Variants in AXIN1 observed in about 807,000 individuals in gnomAD.
AXIN1 encodes axin-1.
Under a neutral mutation model 76.4 loss-of-function variants are expected in AXIN1, and 30 were observed. The ratio of observed to expected loss-of-function variants is 0.39; its 90% CI spans 0.29 to 0.53. AXIN1 has a LOEUF of 0.53. Among genes scored for constraint, AXIN1 ranks in the 20% least tolerant of loss-of-function variants. AXIN1 has a pLI of 0.66. For missense variants in AXIN1, 1,140 were observed against 1,198.8 expected, an observed-to-expected ratio of 0.95 and a Z score of 0.72; for synonymous variants, 545 against 501.4, an observed-to-expected ratio of 1.09 and a Z score of -1.16.
chr16:346,357 G>T lies in AXIN1; in HGVS notation c.669C>A (p.Asp223Glu), dbSNP rs2141702236. ...TCCCTGTCCCTGACCCAGAGCTCTG[G>T]TCACTACAGACTTTGGGGCTCTCCG... ...TGSESPKVCSDQSSGSGTGKG... is the reference protein window; with the variant it reads ...TGSESPKVCSEQSSGSGTGKG... The change falls in exon 2 of 11, where the codon GAC becomes GAA. Residue 223 changes from aspartate to glutamate, a missense_variant. By Grantham distance (45) the Asp-to-Glu change is conservative. Coordinates refer to ENST00000262320, the MANE Select transcript of AXIN1 (RefSeq NM_003502.4). The T allele has an allele frequency of 1.2e-6, 2 of 1,614,168 alleles. No homozygotes were observed. Among genetic ancestry groups the T allele is most frequent in the South Asian group, 2.2e-5 (2 of 91,080 alleles).
chr16:319,388 C>T (rs148864129), intron 2 of AXIN1, among the ~76,000 whole-genome samples: 105 of 152,220 alleles, frequency 6.9e-4, no homozygotes, highest in Middle Eastern at 3.4e-3. Context: ...AAAAACGTGC[C>T]CATCACAGAA....
At chr16:304,812 G>T (rs1007727795) in intron 4 of AXIN1, among the ~76,000 whole-genome samples, 4 of 152,194 alleles carry the variant, frequency 2.6e-5, no homozygotes, top group African/African-American at 4.8e-5. Context: ...TGGGATTACA[G>T]GTGTGAGCCA....
At chr16:350,417 A>G (rs908736927) in intron 1 of AXIN1, among the ~76,000 whole-genome samples, 2 of 152,258 alleles carry the variant, frequency 1.3e-5, no homozygotes, top group Non-Finnish European at 2.9e-5. Flanking sequence ...AAGTGAGTCC[A>G]TAAAACGGGC....
rs1374534943 is a variant in AXIN1, at chr16:346,691, G to C, written c.335C>G (p.Ala112Gly). 6.4e-7 allele frequency: 1 copy of C among 1,569,748 alleles called. No homozygotes were observed. The highest frequency in any genetic ancestry group is 8.6e-7 in the Non-Finnish European group (1 of 1,157,960). The change falls in exon 2 of 11, where the codon GCC (alanine) becomes GGC (glycine). Residue 112 changes from alanine to glycine, a missense_variant. By Grantham distance (60) the Ala-to-Gly change is moderately conservative (BLOSUM62 0). Around this residue, in one of 3 missense-constraint regions of AXIN1, gnomAD observed 708 missense variants for 776.9 expected, o/e 0.91. Coordinates refer to ENST00000262320, the MANE Select transcript of AXIN1 (RefSeq NM_003502.4). ...FRTFLKQEGC[A>G]DLLDFWFACT... ...GGCAAACCAGAAGTCCAGCAAGTCG[G>C]CACAGCCCTCCTGCTTCAGGAAAGT...
chr16:340,298 T>C (rs1005379280), intron 2 of AXIN1, among the ~76,000 whole-genome samples: 1 of 152,208 alleles, frequency 6.6e-6, no homozygotes, highest in African/African-American at 2.4e-5. Context: ...CACAGCCACA[T>C]TGACCAGCCC....
rs214252 is a variant in AXIN1 at position 297,184 on chromosome 16, A to G, written c.1827T>C (p.Ala609=). 349,369 of 1,610,218 alleles carry G rather than the reference A, an allele frequency of 0.22. 41,284 individuals are homozygous for G. The highest frequency in any genetic ancestry group is 0.4 in the African/African-American group (29,815 of 74,950). The part of the protein sequence containing the change: ...GVACKRNAKK[A]ESGKSASTEV... ...CGGTGCTGGCGCTCTTCCCCGACTC[A>G]GCCTTCTTGGCATTTCTTTTGCACG... The change falls in exon 7 of 11, where the codon GCT becomes GCC. Residue 609 remains alanine (A), a synonymous_variant. Coordinates refer to ENST00000262320, the MANE Select transcript of AXIN1 (RefSeq NM_003502.4).
intron 2 of AXIN1, among the ~76,000 whole-genome samples, chr16:337,857 CT>C (rs1234375405): frequency 1.3e-5 from 2 of 152,260 alleles, no homozygotes; most frequent in African/African-American, 2.4e-5. Context: ...TGGGGGCCCC[CT>C]GGACGCCACA....
At chr16:347,678 G>A (rs1250071586) in intron 1 of AXIN1, among the ~76,000 whole-genome samples, 1 of 152,200 alleles carries the variant, frequency 6.6e-6, no homozygotes, top group Non-Finnish European at 1.5e-5. Flanking sequence ...GTCACGCGTG[G>A]TACACCTTCC....
chr16:341,987 G>C (rs1250824527), intron 2 of AXIN1, among the ~76,000 whole-genome samples: 1 of 152,188 alleles, frequency 6.6e-6, no homozygotes, highest in East Asian at 1.9e-4. Flanking sequence ...TCAGCGCCCT[G>C]TCAAAACAGA....
intron 2 of AXIN1, among the ~76,000 whole-genome samples, chr16:337,497 CAAAAAAAAAAAA>C (rs35744069): frequency 1.4e-5 from 1 of 72,034 alleles, no homozygotes; most frequent in Non-Finnish European, 3.1e-5. Flanking sequence ...GGGTCAAAAC[CAAAAAAAAAAAA>C]AAAAAAAAGC....
intron 2 of AXIN1, among the ~76,000 whole-genome samples, chr16:337,497 C>CAAAAAA (rs35744069): frequency 4.2e-5 from 3 of 72,030 alleles, no homozygotes; most frequent in Non-Finnish European, 9.2e-5. Flanking sequence ...GGGTCAAAAC[C>CAAAAAA]AAAAAAAAAA....
At chr16:349,305 C>G (rs1410637150) in intron 1 of AXIN1, among the ~76,000 whole-genome samples, 1 of 152,054 alleles carries the variant, frequency 6.6e-6, no homozygotes, top group African/African-American at 2.4e-5. Context: ...GCTGTGACAT[C>G]CTGCTGCTCA....
At chr16:311,376 G>A (rs948738423) in intron 3 of AXIN1, among the ~76,000 whole-genome samples, 2 of 152,080 alleles carry the variant, frequency 1.3e-5, no homozygotes, top group Non-Finnish European at 2.9e-5. Context: ...ATTAAAACAC[G>A]AAAGTCAGAT....
intron 4 of AXIN1, among the ~76,000 whole-genome samples, chr16:306,497 C>A (rs763573859): frequency 3.9e-4 from 59 of 152,214 alleles, no homozygotes; most frequent in Non-Finnish European, 1.0e-4. Context: ...TTCCTGCCCT[C>A]CCGCCGTGGG....
intron 2 of AXIN1, among the ~76,000 whole-genome samples, chr16:332,421 C>CA (rs2053711486): frequency 6.6e-6 from 1 of 151,560 alleles, no homozygotes; most frequent in African/African-American, 2.4e-5. Flanking sequence ...ACTAAAAATA[C>CA]AAAAAATTAG....
chr16:287,936 G>C lies in AXIN1; in HGVS notation c.*186C>G. On this transcript the variant is annotated 3_prime_UTR_variant, in exon 11 of 11. Transcript: ENST00000262320. ...GTCCAGGCTGCCTCCTTGGGGGCAG[G>C]ACAGAAGCTTGTGGACCACTTGGAG... is the stretch of plus-strand genomic sequence containing the variant. The C allele has an allele frequency of 2.1e-6, 2 of 955,848 alleles. No homozygotes were observed. The highest frequency in any genetic ancestry group is 3.2e-6 in the Non-Finnish European group (2 of 615,960). The allele number at this position is 955,848 out of a possible 1,614,324, so 59.2% of individuals were successfully genotyped here. A position where few individuals can be genotyped will look rare whatever the true frequency, so the allele number is the denominator to read the frequency against.
chr16:352,409 A>T lies in AXIN1; in HGVS notation c.-122T>A. ...GCGGGACCCCGGGCCCGGCTCCCGG[A>T]GCGGCGCGGCGCGGTCCGGGCCCAT... On this transcript the variant is annotated 5_prime_UTR_variant, in exon 1 of 11. Coordinates refer to ENST00000262320, the MANE Select transcript of AXIN1 (RefSeq NM_003502.4). The T allele has an allele frequency of 1.2e-6, 1 of 848,746 alleles. No individual in the cohort carries two copies. The allele number at this position is 848,746 out of a possible 1,614,324, so 52.6% of individuals were successfully genotyped here. A position where few individuals can be genotyped will look rare whatever the true frequency, so the allele number is the denominator to read the frequency against.
At chr16:299,507 C>T (rs139824132) in intron 5 of AXIN1, among the ~76,000 whole-genome samples, 3,210 of 151,714 alleles carry the variant, frequency 0.021, 101 homozygotes, top group African/African-American at 0.074. Context: ...AGTGTGCCAC[C>T]ATGCCTGCCT....
intron 2 of AXIN1, among the ~76,000 whole-genome samples, chr16:320,817 A>G (rs907721794): frequency 3.9e-4 from 57 of 145,200 alleles, no homozygotes; most frequent in South Asian, 3.0e-3. Flanking sequence ...TCGGCTCACT[A>G]CAACCTCCGC....
Sources: gnomAD v4.1 joint callset for allele counts (sites outside exome capture counted in the v4.1 genomes callset) on GRCh38, gnomAD v4.1.1 for gene constraint, gnomAD v4.1.1 regional missense constraint, MANE v1.5 for transcripts, NCBI Gene and HGNC (gene_info 2026-07-23, HGNC 2026-07-21) for gene names.